KCNK2: variants seen among roughly 807,000 people sequenced by gnomAD.
KCNK2 encodes the protein potassium two pore domain channel subfamily K member 2.
KCNK2 carries 21 observed loss-of-function variants against 40.5 expected under a neutral mutation model. That is an observed-to-expected ratio of 0.52 (90% CI 0.37 to 0.75). The LOEUF is 0.75. Among genes scored for constraint, KCNK2 ranks in the 30% least tolerant of loss-of-function variants. KCNK2 has a pLI of 0.00. For synonymous variants in KCNK2, 191 were observed against 202.2 expected, an observed-to-expected ratio of 0.94 and a Z score of 0.47; for missense variants, 399 against 531.6, an observed-to-expected ratio of 0.75 and a Z score of 2.45.
intron 1 of KCNK2, among the ~76,000 whole-genome samples, chr1:215,065,396 A>G (rs1658503030): frequency 2.5e-5 from 3 of 119,502 alleles, no homozygotes. Flanking sequence ...GCCTTACCCA[A>G]ATATTCAGAA....
Position 215,235,177 on chromosome 1 carries a change from T to C in KCNK2, c.*32T>C. ...CTTTAAATAACCTTAGGCATAGCCA[T>C]AGGTGAGGACTTCTCTATGCTCTTT... On this transcript the variant is annotated 3_prime_UTR_variant, in exon 7 of 7. Transcript: ENST00000444842. 1 of 1,538,628 alleles carries C rather than the reference T, an allele frequency of 6.5e-7. No homozygotes were observed. Among genetic ancestry groups the C allele is most frequent in the Non-Finnish European group, 8.9e-7 (1 of 1,124,822 alleles).
chr1:215,006,381 A>C (rs553271284), intron 1 of KCNK2, among the ~76,000 whole-genome samples: 30 of 152,292 alleles, frequency 2.0e-4, no homozygotes, highest in Middle Eastern at 3.4e-3. Flanking sequence ...TTAGAATATT[A>C]GTTATTTCCT....
chr1:215,119,721 TTCAAC>T (rs1661096950), intron 2 of KCNK2, among the ~76,000 whole-genome samples: 1 of 152,316 alleles, frequency 6.6e-6, no homozygotes, highest in Non-Finnish European at 1.5e-5. Context: ...ACCTAAACCA[TTCAAC>T]TTATTCATAA....
At chr1:215,032,244 CA>C (rs1157477733) in intron 1 of KCNK2, among the ~76,000 whole-genome samples, 1 of 151,348 alleles carries the variant, frequency 6.6e-6, no homozygotes, top group Admixed American at 6.6e-5. Context: ...CCTGTGTCTA[CA>C]AAAAATGTTT....
intron 1 of KCNK2, among the ~76,000 whole-genome samples, chr1:215,057,581 G>A (rs973618975): frequency 2.6e-5 from 4 of 152,110 alleles, no homozygotes; most frequent in African/African-American, 4.8e-5. Context: ...CTTTCTGCTT[G>A]AATAGTCTAT....
chr1:215,168,951 C>T (rs1428965546), intron 3 of KCNK2, among the ~76,000 whole-genome samples: 1 of 152,018 alleles, frequency 6.6e-6, no homozygotes, highest in Admixed American at 6.6e-5. Flanking sequence ...CATGTGTCGT[C>T]ACCTCAGTTT....
At chr1:215,150,695 A>G (rs892671795) in intron 3 of KCNK2, among the ~76,000 whole-genome samples, 3 of 152,004 alleles carry the variant, frequency 2.0e-5, no homozygotes, top group Non-Finnish European at 4.4e-5. Context: ...GTTGTTTTCC[A>G]TATTTTAATC....
At chr1:215,234,413 G>A (rs546275021) in intron 6 of KCNK2, among the ~76,000 whole-genome samples, 72 of 152,214 alleles carry the variant, frequency 4.7e-4, no homozygotes, top group African/African-American at 1.7e-3. Context: ...ATTCTGCCTT[G>A]CTTCTTCTAC....
chr1:215,208,105 A>C (rs1665396136), intron 6 of KCNK2, among the ~76,000 whole-genome samples: 1 of 152,200 alleles, frequency 6.6e-6, no homozygotes, highest in African/African-American at 2.4e-5. Flanking sequence ...ACAATAGCAA[A>C]GACATGGAAT....
intron 1 of KCNK2, among the ~76,000 whole-genome samples, chr1:215,035,400 A>G (rs558413466): frequency 4.6e-5 from 7 of 152,224 alleles, no homozygotes; most frequent in Admixed American, 2.6e-4. Context: ...AAATTACTCT[A>G]TGTAGCTCCT....
intron 1 of KCNK2, among the ~76,000 whole-genome samples, chr1:215,076,472 C>T (rs1658931462): frequency 6.6e-6 from 1 of 152,170 alleles, no homozygotes; most frequent in South Asian, 2.1e-4. Flanking sequence ...GACCTGCTTT[C>T]AAGCTCACTT....
intron 1 of KCNK2, among the ~76,000 whole-genome samples, chr1:215,074,060 G>A (rs940098129): frequency 3.7e-4 from 56 of 152,192 alleles, no homozygotes; most frequent in Non-Finnish European, 3.1e-4. Context: ...CTGAGGAGAG[G>A]TGACTGAGGT....
chr1:215,234,571 A>AC, intron 6 of KCNK2, among the ~76,000 whole-genome samples: 1 of 152,270 alleles, frequency 6.6e-6, no homozygotes, highest in South Asian at 2.1e-4. Flanking sequence ...AAAAACAAGC[A>AC]CATGTAGAGC....
intron 3 of KCNK2, among the ~76,000 whole-genome samples, chr1:215,164,819 C>G (rs573937985): frequency 6.6e-6 from 1 of 152,254 alleles, no homozygotes; most frequent in South Asian, 2.1e-4. Flanking sequence ...TTGTATCAGT[C>G]TCTTGCAGGT....
At chr1:215,037,494 T>G (rs1657429178) in intron 1 of KCNK2, among the ~76,000 whole-genome samples, 1 of 151,958 alleles carries the variant, frequency 6.6e-6, no homozygotes, top group Non-Finnish European at 1.5e-5. Flanking sequence ...CATCTTCTTT[T>G]TTATAATGAC....
chr1:215,190,413 A>G (rs1664620204), intron 5 of KCNK2, among the ~76,000 whole-genome samples: 1 of 152,192 alleles, frequency 6.6e-6, no homozygotes, highest in South Asian at 2.1e-4. Context: ...TGGATAAATG[A>G]TAAGAAGGAC....
At chr1:215,211,584 A>G (rs1665747259) in intron 6 of KCNK2, among the ~76,000 whole-genome samples, 1 of 152,126 alleles carries the variant, frequency 6.6e-6, no homozygotes, top group Non-Finnish European at 1.5e-5. Flanking sequence ...TTCTTGTAAG[A>G]CAAGCAATTG....
At chr1:215,066,591 C>T (rs1010581373) in intron 1 of KCNK2, among the ~76,000 whole-genome samples, 2 of 152,146 alleles carry the variant, frequency 1.3e-5, no homozygotes, top group Admixed American at 6.5e-5. Flanking sequence ...ACCAGCCTGC[C>T]TGGTAATTCA....
chr1:215,104,493 T>G (rs1472693889), intron 2 of KCNK2, among the ~76,000 whole-genome samples: 1 of 152,044 alleles, frequency 6.6e-6, no homozygotes, highest in African/African-American at 2.4e-5. Context: ...TTTGCATTGA[T>G]CATCTGTTCT....
Sources: gnomAD v4.1 joint callset for allele counts (sites outside exome capture counted in the v4.1 genomes callset) on GRCh38, gnomAD v4.1.1 for gene constraint, MANE v1.5 for transcripts, NCBI Gene and HGNC (gene_info 2026-07-23, HGNC 2026-07-21) for gene names.